MYO19: variants seen among roughly 807,000 people sequenced by gnomAD.
The protein encoded by MYO19 is unconventional myosin-XIX.
Under a neutral mutation model 129.2 loss-of-function variants are expected in MYO19, and 132 were observed. That is an observed-to-expected ratio of 1.02 (90% CI 0.89 to 1.18). The LOEUF is 1.18. Among genes scored for constraint, MYO19 ranks in the 50% most tolerant of loss-of-function variants. The pLI is 0.00. For missense variants in MYO19, 1,210 were observed against 1,216.7 expected, an observed-to-expected ratio of 0.99 and a Z score of 0.08; for synonymous variants, 531 against 477.2, an observed-to-expected ratio of 1.11 and a Z score of -1.47.
chr17:36,542,366 C>T (rs1167856978), intron 1 of MYO19: 1 of 152,124 alleles, frequency 6.6e-6, no homozygotes, highest in Non-Finnish European at 1.5e-5. Context: ...ATGAGCTTGT[C>T]ATTTTTAATG....
At position 36,500,823 on chromosome 17, in the gene MYO19, C is replaced by CACCTACCTGCCT. The variant is rs1430544074; in HGVS notation, c.2372_2377+6dup. 6.3e-7 allele frequency: 1 copy of CACCTACCTGCCT among 1,597,186 alleles called. No homozygotes were observed. The highest frequency in any genetic ancestry group is 8.5e-7 in the Non-Finnish European group (1 of 1,176,406). On this transcript the variant is annotated splice_region_variant and intron_variant, in intron 23 of 25. Coordinates refer to ENST00000614623, the MANE Select transcript of MYO19 (RefSeq NM_001163735.2). ...GAGCAGTGCTGACAGGTGACCTGCC[C>CACCTACCTGCCT]ACCTACCTGCCTGGATGAGCATGAC...
Position 36,506,447 on chromosome 17 carries a change from C to G in MYO19, c.1797+9G>C. 1.2e-6 allele frequency: 2 copies of G among 1,613,880 alleles called. No homozygotes were observed. Among genetic ancestry groups the G allele is most frequent in the Non-Finnish European group, 1.7e-6 (2 of 1,179,850 alleles). ...AACCAAGCACCTCCCATCAGCACATCAGACCCACCTTGAACTTGGACACCA... is the reference window on the plus strand; with the variant it reads ...AACCAAGCACCTCCCATCAGCACATGAGACCCACCTTGAACTTGGACACCA... On this transcript the variant is annotated intron_variant, in intron 18 of 25. Transcript: ENST00000614623.
chr17:36,514,905 G>A (rs959506340), intron 8 of MYO19, among the ~76,000 whole-genome samples: 2 of 152,162 alleles, frequency 1.3e-5, no homozygotes, highest in South Asian at 2.1e-4. Flanking sequence ...CTGAATAAGC[G>A]CACTGCCCCA....
chr17:36,501,828 G>C (rs900252947), intron 21 of MYO19: 2 of 152,234 alleles, frequency 1.3e-5, no homozygotes, highest in Admixed American at 1.3e-4. Flanking sequence ...TCGCAGAGCT[G>C]ACTCCTGGAG....
intron 11 of MYO19, chr17:36,513,194 T>G (rs1483498687): frequency 1.4e-6 from 2 of 1,422,702 alleles, no homozygotes; most frequent in Non-Finnish European, 1.8e-6. Context: ...GATCACTTAC[T>G]GCATTCTGTA....
At chr17:36,525,923 GC>G (rs1321364563) in intron 5 of MYO19, among the ~76,000 whole-genome samples, 7 of 152,162 alleles carry the variant, frequency 4.6e-5, no homozygotes, top group Admixed American at 3.3e-4. Flanking sequence ...TTTTCCGGAG[GC>G]AGGGCAGACA....
chr17:36,532,684 G>C lies in MYO19; in HGVS notation c.-143-3C>G. The stretch of plus-strand genomic sequence containing the variant: ...TCTCAGACAAGTCACTCCAGCGCCT[G>C]TGGCATGAGAGAGAAGACAAGGACC... On this transcript the variant is annotated splice_polypyrimidine_tract_variant and splice_region_variant and intron_variant, in intron 2 of 25. Coordinates refer to ENST00000614623, the MANE Select transcript of MYO19 (RefSeq NM_001163735.2). 1 of 952,044 alleles carries C rather than the reference G, an allele frequency of 1.1e-6. No homozygotes were observed. Among genetic ancestry groups the C allele is most frequent in the Non-Finnish European group, 1.6e-6 (1 of 613,586 alleles). 59.0% of individuals were successfully genotyped at this position (952,044 alleles called of 1,614,324 possible).
rs553035331 is a variant in MYO19, at chr17:36,515,260, G to C, written c.548-78C>G. The C allele has an allele frequency of 2.2e-6, 3 of 1,350,128 alleles. No homozygotes were observed. The African/African-American group carries it at 4.3e-5, about 19-fold the overall frequency. The allele number at this position is 1,350,128 out of a possible 1,614,324, so 83.6% of individuals were successfully genotyped here. Reference sequence around the variant, plus strand: ...TAAGCCAAGGTGGCTGCAGGTCTCTGGAGGTCATGTTCCCGTGCTCAAGTC... The same window carrying C: ...TAAGCCAAGGTGGCTGCAGGTCTCTCGAGGTCATGTTCCCGTGCTCAAGTC... On this transcript the variant is annotated intron_variant, in intron 7 of 25. Coordinates refer to ENST00000614623, the MANE Select transcript of MYO19 (RefSeq NM_001163735.2).
chr17:36,509,226 TG>T (rs1201535590), intron 13 of MYO19, 91 bp from the exon 14 acceptor site: 1 of 1,109,142 alleles, frequency 9.0e-7, no homozygotes, highest in Non-Finnish European at 1.4e-6. Context: ...TGCTACACCC[TG>T]GGGGGCCCTT....
rs1198242308 is a variant in MYO19, at chr17:36,518,546, ATATATATG to A, written c.415-2564_415-2557del. Among the ~76,000 whole-genome samples, 929 of 108,112 alleles carry A rather than the reference ATATATATG, an allele frequency of 8.6e-3. 47 individuals carry two copies. Among genetic ancestry groups the A allele is most frequent in the African/African-American group, 0.025 (691 of 27,934 alleles). 70.9% of individuals were successfully genotyped at this position (108,112 alleles called of 152,430 possible). A position where few individuals can be genotyped will look rare whatever the true frequency, so the allele number is the denominator to read the frequency against. ...AAAAAAAATATATATATATATATAT[ATATATATG>A]TGTATGTGTATATATATGTATATAC... On this transcript the variant is annotated intron_variant, in intron 6 of 25. Transcript: ENST00000614623.
chr17:36,517,539 G>A (rs2072835600), intron 6 of MYO19, among the ~76,000 whole-genome samples: 1 of 152,136 alleles, frequency 6.6e-6, no homozygotes, highest in Non-Finnish European at 1.5e-5. Flanking sequence ...GATTACAGGC[G>A]TGAGCCACTG....
intron 7 of MYO19, 149 bp from the exon 8 acceptor site, chr17:36,515,331 T>A: frequency 1.6e-6 from 1 of 606,996 alleles, no homozygotes; most frequent in Non-Finnish European, 2.8e-6. Context: ...GGGACAGGAC[T>A]AGAAAATGGG....
At chr17:36,518,165 G>A (rs572778828) in intron 6 of MYO19, among the ~76,000 whole-genome samples, 3 of 149,968 alleles carry the variant, frequency 2.0e-5, no homozygotes, top group Non-Finnish European at 3.0e-5. Context: ...TTCTAATACC[G>A]ACTTGGTAAT....
chr17:36,518,605 A>G (rs2072951586), intron 6 of MYO19, among the ~76,000 whole-genome samples: 1 of 141,038 alleles, frequency 7.1e-6, no homozygotes, highest in African/African-American at 2.6e-5. Flanking sequence ...TATATATAAA[A>G]GTATGTATAT....
upstream of MYO19, among the ~76,000 whole-genome samples, chr17:36,536,319 G>GAATTTT (rs1292416895): frequency 6.6e-6 from 1 of 152,124 alleles, no homozygotes; most frequent in Non-Finnish European, 1.5e-5. Flanking sequence ...GCTCTGAACT[G>GAATTTT]GAACCAAGGC....
At position 36,497,792 on chromosome 17, in the gene MYO19, C is replaced by G. The variant is rs1423171368; in HGVS notation, c.2757+474G>C. The G allele has an allele frequency of 1.9e-5, 3 of 155,614 alleles. No homozygotes were observed. The East Asian group carries it at 5.7e-4, about 30-fold the overall frequency. The allele number at this position is 155,614 out of a possible 1,614,324, so 9.6% of individuals were successfully genotyped here. ...TAGAGATGGGGTTTCGCCATGTTGG[C>G]CAGGCTGGTCTTGAACTCCTGACCT... On this transcript the variant is annotated intron_variant, in intron 25 of 25. Coordinates refer to ENST00000614623, the MANE Select transcript of MYO19 (RefSeq NM_001163735.2).
intron 3 of MYO19, among the ~76,000 whole-genome samples, 199 bp from the exon 4 acceptor site, chr17:36,528,401 C>T (rs1206326398): frequency 1.3e-5 from 2 of 152,052 alleles, no homozygotes; most frequent in Non-Finnish European, 2.9e-5. Context: ...GTCCCAGCTA[C>T]TCGGAAGGCT....
At chr17:36,496,929 T>C (rs1489921448) in intron 25 of MYO19, among the ~76,000 whole-genome samples, 2 of 152,150 alleles carry the variant, frequency 1.3e-5, no homozygotes, top group Non-Finnish European at 2.9e-5. Context: ...TACTTTCACC[T>C]TTCCTCGGCC....
At position 36,500,858 on chromosome 17, in the gene MYO19, C is replaced by T. The variant is rs747684117; in HGVS notation, c.2349G>A (p.Gln783=). The T allele has an allele frequency of 6.2e-7, 1 of 1,604,308 alleles. No individual in the cohort carries two copies. The highest frequency in any genetic ancestry group is 1.1e-5 in the South Asian group (1 of 90,884). ...CCTGGATGAGCATGACGGCCCGCCA[C>T]TGCCGCTCCTGCTCTCGGTGCCGGT... ...RRHRHREQER[Q]WRAVMLIQAA... The change falls in exon 23 of 26, where the codon CAG becomes CAA. Residue 783 remains glutamine, a synonymous_variant. Coordinates refer to ENST00000614623, the MANE Select transcript of MYO19 (RefSeq NM_001163735.2).
Sources: allele counts gnomAD v4.1 joint callset (sites outside exome capture counted in the v4.1 genomes callset), GRCh38; gene constraint gnomAD v4.1.1; transcripts MANE v1.5; gene names NCBI Gene and HGNC (gene_info 2026-07-23, HGNC 2026-07-21).